The following NPNT variants were observed in gnomAD, a reference collection of about 807,000 sequenced individuals.
NPNT encodes the protein preosteoblast EGF-like repeat protein with MAM domain.
A neutral mutation model predicts 68.6 loss-of-function variants in NPNT; 45 were observed. That is an observed-to-expected ratio of 0.66 (90% CI 0.52 to 0.84). The LOEUF (loss-of-function observed/expected upper bound fraction) is 0.84. Ranked by LOEUF, NPNT falls within the 40% of genes least tolerant of loss-of-function variation. The pLI, the probability that NPNT is intolerant of heterozygous loss-of-function variation, is 0.00. For synonymous variants in NPNT, 233 were observed against 253.3 expected (o/e 0.92, Z 0.76); for missense variants, 672 against 714.8 (o/e 0.94, Z 0.68).
In NPNT at chr4:105,967,200, T is replaced by C; in HGVS notation, c.1358T>C (p.Leu453Pro). The C allele has an allele frequency of 6.2e-7, 1 of 1,613,678 alleles. No homozygotes were observed. Among genetic ancestry groups the C allele is most frequent in the Non-Finnish European group, 8.5e-7 (1 of 1,180,008 alleles). The change falls in exon 11 of 12, where the codon CTG becomes CCG. Residue 453 changes from leucine to proline, a missense_variant. By Grantham distance (98) the Leu-to-Pro change is moderately conservative. Transcript: ENST00000379987. ...TTTCCCATTCCAGGTGGACAATATC[T>C]GACAGTGTCGGCAGCCAAAGCCCCA... The part of the protein sequence containing the change: ...PIRDPAGGQY[L>P]TVSAAKAPGG...
intron 8 of NPNT, among the ~76,000 whole-genome samples, chr4:105,943,957 A>C (rs1730181956): frequency 6.6e-6 from 1 of 152,186 alleles, no homozygotes. Flanking sequence ...CCTGGGTGAC[A>C]GGGTGGGACA....
rs78194003 is a variant in NPNT at position 105,965,631 on chromosome 4, C to T, written c.1346-1557C>T. On this transcript the variant is annotated intron_variant, in intron 10 of 11. Coordinates refer to ENST00000379987, the MANE Select transcript of NPNT (RefSeq NM_001033047.3). ...TTATATCTTAGTCTTAACCAGAGTA[C>T]CTGTGATGATTCAAAAGCTGACTTA... Among the ~76,000 whole-genome samples the T allele has an allele frequency of 2.5e-4, 38 of 152,162 alleles. 1 individual carries two copies. The East Asian group carries it at 6.2e-3, about 25-fold the overall frequency.
intron 2 of NPNT, among the ~76,000 whole-genome samples, chr4:105,913,346 A>G (rs1468942779): frequency 6.6e-6 from 1 of 152,244 alleles, no homozygotes; most frequent in Non-Finnish European, 1.5e-5. Flanking sequence ...ACTAGCAGTT[A>G]TAGGATTGAC....
intron 2 of NPNT, chr4:105,902,767 C>T (rs1726525283): frequency 6.6e-6 from 1 of 152,096 alleles, no homozygotes; most frequent in Admixed American, 6.5e-5. Context: ...GTAAGATCAG[C>T]GTTGAAGAAT....
At chr4:105,927,235 T>C (rs1307363192) in intron 2 of NPNT, 101 bp from the exon 3 acceptor site, 4 of 687,986 alleles carry the variant, frequency 5.8e-6, no homozygotes, top group African/African-American at 3.6e-5. Flanking sequence ...TTGTAAGTTC[T>C]AGTTTTTTTT....
intron 10 of NPNT, among the ~76,000 whole-genome samples, chr4:105,959,958 T>C (rs538149705): frequency 7.9e-5 from 12 of 152,106 alleles, no homozygotes; most frequent in Non-Finnish European, 1.6e-4. Context: ...TACAGGCATG[T>C]GCCACCATGC....
rs1299645266 is a variant in NPNT, at chr4:105,970,692, A to T, written c.*1702A>T. On this transcript the variant is annotated 3_prime_UTR_variant, in exon 12 of 12. Coordinates refer to ENST00000379987, the MANE Select transcript of NPNT (RefSeq NM_001033047.3). ...TCTCTCTCTCTTTCTAAAAAATTAG[A>T]TAAAAATTTGTCTATTTAAGATGGT... The T allele has an allele frequency of 2.0e-6, 1 of 497,846 alleles. No individual in the cohort carries two copies. The highest frequency in any genetic ancestry group is 1.9e-5 in the African/African-American group (1 of 51,760). The allele number at this position is 497,846 out of a possible 1,614,324, so 30.8% of individuals were successfully genotyped here.
At position 105,971,082 on chromosome 4, in the gene NPNT, T is replaced by A; in HGVS notation, c.*2092T>A. The A allele has an allele frequency of 2.3e-6, 1 of 437,678 alleles. No individual in the cohort carries two copies. 27.1% of individuals were successfully genotyped at this position (437,678 alleles called of 1,614,324 possible). On this transcript the variant is annotated 3_prime_UTR_variant, in exon 12 of 12. Transcript: ENST00000379987. ...AGGTATAAGCCTTTCATTTGTTCAATGGATGATGTTTCAGATTTTTTTTTT... is the reference window on the plus strand; with the variant it reads ...AGGTATAAGCCTTTCATTTGTTCAAAGGATGATGTTTCAGATTTTTTTTTT...
chr4:105,967,111 C>T (rs945159678), intron 10 of NPNT, 77 bp from the exon 11 acceptor site: 3 of 1,136,694 alleles, frequency 2.6e-6, no homozygotes, highest in Non-Finnish European at 3.7e-6. Flanking sequence ...AAAAAAAAAA[C>T]TAAAACTCCT....
rs142074722 is a variant in NPNT, at chr4:105,942,661, G to C, written c.1118G>C (p.Arg373Thr). Residue 373 changes from arginine to threonine, a missense_variant, in exon 8 of 12, where the codon AGG becomes ACG. By Grantham distance (71) the Arg-to-Thr change is moderately conservative. Coordinates refer to ENST00000379987, the MANE Select transcript of NPNT (RefSeq NM_001033047.3). ...TPPGGITVDN[R>T]VQTDPQKPRG... ...CCAGGAGGGATTACAGTTGACAACA[G>C]GGTACAGACAGACCCTCAGAAACCC... 5 of 1,613,622 alleles carry C rather than the reference G, an allele frequency of 3.1e-6. No homozygotes were observed. The highest frequency in any genetic ancestry group is 4.2e-6 in the Non-Finnish European group (5 of 1,179,828).
intron 8 of NPNT, among the ~76,000 whole-genome samples, chr4:105,953,090 C>T (rs1276267692): frequency 1.3e-5 from 2 of 152,088 alleles, no homozygotes; most frequent in African/African-American, 2.4e-5. Context: ...TGCTTGAACC[C>T]GGGAGGCAGA....
chr4:105,918,520 T>C (rs1727996715), intron 2 of NPNT, among the ~76,000 whole-genome samples: 1 of 152,218 alleles, frequency 6.6e-6, no homozygotes, highest in Non-Finnish European at 1.5e-5. Context: ...TTCAGATATC[T>C]ATTATATTTC....
At position 105,958,666 on chromosome 4, in the gene NPNT, T is replaced by G. The variant is rs375407479; in HGVS notation, c.1246+109T>G. 2.0e-4 allele frequency: 114 copies of G among 565,262 alleles called. 1 individual carries two copies. The South Asian group carries it at 4.0e-3, about 20-fold the overall frequency. 35.0% of individuals were successfully genotyped at this position (565,262 alleles called of 1,614,324 possible). On this transcript the variant is annotated intron_variant, in intron 9 of 11. Coordinates refer to ENST00000379987, the MANE Select transcript of NPNT (RefSeq NM_001033047.3). ...GACCATTTGGGAAAATTACACCTGT[T>G]TTCTTTAACAACTCAGATTTTCTTT...
intron 8 of NPNT, among the ~76,000 whole-genome samples, chr4:105,947,706 T>C (rs1178057037): frequency 6.6e-6 from 1 of 152,222 alleles, no homozygotes; most frequent in African/African-American, 2.4e-5. Context: ...TATTAATCTT[T>C]TCTTAGAAAT....
chr4:105,958,010 C>T (rs998573363), intron 8 of NPNT, among the ~76,000 whole-genome samples: 4 of 151,994 alleles, frequency 2.6e-5, no homozygotes, highest in South Asian at 2.1e-4. Context: ...CAACAATGTG[C>T]GGAGTTCACT....
At chr4:105,920,660 C>T (rs78743111) in intron 2 of NPNT, among the ~76,000 whole-genome samples, 3,823 of 151,744 alleles carry the variant, frequency 0.025, 82 homozygotes, top group Middle Eastern at 0.068. Flanking sequence ...CTTATTTTGG[C>T]GGGGGACACT....
rs1158805733 is a variant in NPNT, at chr4:105,970,297, A to C, written c.*1307A>C. The C allele has an allele frequency of 1.6e-6, 1 of 614,020 alleles. No individual in the cohort carries two copies. Among genetic ancestry groups the C allele is most frequent in the Non-Finnish European group, 2.9e-6 (1 of 345,820 alleles). The allele number at this position is 614,020 out of a possible 1,614,324, so 38.0% of individuals were successfully genotyped here. ...TGCATATTTTACCAATATATTAAAAAACAATGTAACTTTTAAAAGGCATCA... is the reference window on the plus strand; with the variant it reads ...TGCATATTTTACCAATATATTAAAACACAATGTAACTTTTAAAAGGCATCA... On this transcript the variant is annotated 3_prime_UTR_variant, in exon 12 of 12. Coordinates refer to ENST00000379987, the MANE Select transcript of NPNT (RefSeq NM_001033047.3).
chr4:105,912,058 GT>G, intron 2 of NPNT: 1 of 652,762 alleles, frequency 1.5e-6, no homozygotes, highest in East Asian at 2.9e-5. Context: ...ATTTTTTTTT[GT>G]TTCAGAAAAG....
chr4:105,950,539 G>A (rs907071878), intron 8 of NPNT, among the ~76,000 whole-genome samples: 2 of 152,042 alleles, frequency 1.3e-5, no homozygotes, highest in African/African-American at 4.8e-5. Flanking sequence ...TGCAACCTAA[G>A]TGATTATTGT....
Sources: allele counts gnomAD v4.1 joint callset (sites outside exome capture counted in the v4.1 genomes callset), GRCh38; gene constraint gnomAD v4.1.1; transcripts MANE v1.5; gene names NCBI Gene and HGNC (gene_info 2026-07-23, HGNC 2026-07-21).